Variants in RSRC1 observed in about 807,000 individuals in gnomAD.
RSRC1 encodes arginine and serine rich coiled-coil 1, also known as serine/Arginine-related protein 53.
Under a neutral mutation model 49.1 loss-of-function variants are expected in RSRC1, and 39 were observed. The ratio of observed to expected loss-of-function variants is 0.79; its 90% CI spans 0.61 to 1.04. The LOEUF is 1.04. Among genes scored for constraint, RSRC1 ranks in the 50% least tolerant of loss-of-function variants. The pLI is 0.00. For missense variants in RSRC1, 388 were observed against 402.4 expected, an observed-to-expected ratio of 0.96 and a Z score of 0.31; for synonymous variants, 143 against 130.8, an observed-to-expected ratio of 1.09 and a Z score of -0.63.
At chr3:158,391,705 A>C (rs1361919853) in intron 6 of RSRC1, among the ~76,000 whole-genome samples, 1 of 152,110 alleles carries the variant, frequency 6.6e-6, no homozygotes. Flanking sequence ...TGGAATCTGC[A>C]TGTGCCCAGA....
intron 4 of RSRC1, among the ~76,000 whole-genome samples, chr3:158,280,806 C>T (rs1726109031): frequency 6.6e-6 from 1 of 151,920 alleles, no homozygotes; most frequent in African/African-American, 2.4e-5. Flanking sequence ...GCCACCACGC[C>T]CTGCCAATTT....
intron 3 of RSRC1, among the ~76,000 whole-genome samples, chr3:158,177,348 T>G (rs564938922): frequency 6.6e-6 from 1 of 152,190 alleles, no homozygotes. Flanking sequence ...CACACATATG[T>G]TTATTCTGGC....
At chr3:158,354,946 T>G in intron 6 of RSRC1, 38 bp downstream of exon 6, 1 of 1,422,324 alleles carries the variant, frequency 7.0e-7, no homozygotes, top group Non-Finnish European at 9.5e-7. Flanking sequence ...AATGAAGAAG[T>G]GACGAGTAAA....
At chr3:158,376,813 A>G (rs1190559829) in intron 6 of RSRC1, among the ~76,000 whole-genome samples, 1 of 152,018 alleles carries the variant, frequency 6.6e-6, no homozygotes, top group Non-Finnish European at 1.5e-5. Flanking sequence ...TATTGGTTGG[A>G]CGGGGAAGTT....
chr3:158,223,155 T>C (rs1722318352), intron 4 of RSRC1, among the ~76,000 whole-genome samples: 1 of 151,650 alleles, frequency 6.6e-6, no homozygotes. Flanking sequence ...ATCTTTGATC[T>C]TCCTCGTATG....
intron 3 of RSRC1, among the ~76,000 whole-genome samples, chr3:158,157,580 C>A (rs1717953111): frequency 1.3e-5 from 2 of 151,930 alleles, no homozygotes; most frequent in African/African-American, 2.4e-5. Flanking sequence ...ATTCAGAGAC[C>A]CCGAGGTTCT....
chr3:158,519,184 A>C (rs1711524912), intron 7 of RSRC1, among the ~76,000 whole-genome samples: 1 of 152,060 alleles, frequency 6.6e-6, no homozygotes, highest in African/African-American at 2.4e-5. Flanking sequence ...TACCTTCCAC[A>C]AATTTTTGTT....
intron 6 of RSRC1, among the ~76,000 whole-genome samples, chr3:158,360,663 C>T (rs1057156284): frequency 1.3e-5 from 2 of 152,236 alleles, no homozygotes; most frequent in South Asian, 2.1e-4. Context: ...GCAGTGTGCA[C>T]ATACCTGGCG....
At chr3:158,338,987 A>G (rs1417442597) in intron 5 of RSRC1, among the ~76,000 whole-genome samples, 36 of 152,174 alleles carry the variant, frequency 2.4e-4, no homozygotes, top group Non-Finnish European at 2.9e-5. Flanking sequence ...AATAGATATT[A>G]TATTTTTTCA....
At chr3:158,306,987 A>AT (rs11296189) in intron 5 of RSRC1, among the ~76,000 whole-genome samples, 2 of 150,594 alleles carry the variant, frequency 1.3e-5, no homozygotes. Flanking sequence ...TATCAAAGTT[A>AT]TTTTTTTTTT....
At chr3:158,186,836 G>A (rs968854454) in intron 3 of RSRC1, among the ~76,000 whole-genome samples, 2 of 151,764 alleles carry the variant, frequency 1.3e-5, no homozygotes, top group African/African-American at 4.8e-5. Flanking sequence ...TCTTAAAAAT[G>A]GGGAGACCAG....
rs952786842 is a variant in RSRC1, at chr3:158,307,645, C to T, written c.531+9570C>T. 2.0e-5 allele frequency among the ~76,000 whole-genome samples: 3 copies of T among 151,662 alleles called. No homozygotes were observed. The South Asian group carries it at 6.2e-4, about 31-fold the overall frequency. On this transcript the variant is annotated intron_variant, in intron 5 of 9. Transcript: ENST00000611884. ...TTAAAGGGCACTGCTAGTATAAAAA[C>T]ATTTAAGGGGATAGTTCTAGACAAA...
intron 7 of RSRC1, among the ~76,000 whole-genome samples, chr3:158,463,494 CT>C (rs1247880199): frequency 6.6e-6 from 1 of 152,056 alleles, no homozygotes; most frequent in Non-Finnish European, 1.5e-5. Flanking sequence ...CTGTAAGCCA[CT>C]AGTAATTCAC....
At chr3:158,357,607 C>T (rs989115047) in intron 6 of RSRC1, among the ~76,000 whole-genome samples, 1 of 151,956 alleles carries the variant, frequency 6.6e-6, no homozygotes, top group Admixed American at 6.6e-5. Flanking sequence ...TTCTAGTTGT[C>T]TTTTTGGTGA....
At chr3:158,302,133 G>T (rs766295121) in intron 5 of RSRC1, among the ~76,000 whole-genome samples, 2 of 151,296 alleles carry the variant, frequency 1.3e-5, no homozygotes, top group East Asian at 1.9e-4. Context: ...CTTTATTAAG[G>T]GTCTGAGATT....
At chr3:158,447,963 T>A (rs1336679949) in intron 6 of RSRC1, among the ~76,000 whole-genome samples, 1 of 151,884 alleles carries the variant, frequency 6.6e-6, no homozygotes, top group Non-Finnish European at 1.5e-5. Context: ...TATACATTGA[T>A]AGAATGTTTG....
intron 5 of RSRC1, among the ~76,000 whole-genome samples, chr3:158,333,435 G>A (rs1488054065): frequency 6.6e-6 from 1 of 152,134 alleles, no homozygotes; most frequent in Non-Finnish European, 1.5e-5. Flanking sequence ...TCTCAGTACA[G>A]TATTTAAATA....
chr3:158,399,546 G>A (rs1268388180), intron 6 of RSRC1, among the ~76,000 whole-genome samples: 2 of 152,098 alleles, frequency 1.3e-5, no homozygotes, highest in Non-Finnish European at 2.9e-5. Flanking sequence ...CAGAGCTGGT[G>A]TTAGCAACAT....
At chr3:158,177,117 T>TC (rs1296613984) in intron 3 of RSRC1, among the ~76,000 whole-genome samples, 1 of 152,048 alleles carries the variant, frequency 6.6e-6, no homozygotes, top group Non-Finnish European at 1.5e-5. Context: ...AGTTAGAATG[T>TC]CCATCATTAA....
Sources: gnomAD v4.1 joint callset for allele counts (sites outside exome capture counted in the v4.1 genomes callset) on GRCh38, gnomAD v4.1.1 for gene constraint, MANE v1.5 for transcripts, NCBI Gene and HGNC (gene_info 2026-07-23, HGNC 2026-07-21) for gene names.